ZNF536: variants seen among roughly 807,000 people sequenced by gnomAD.
The protein encoded by ZNF536 is zinc finger protein 536.
In ZNF536, 13 loss-of-function variants were observed where a neutral mutation model predicts 84.5. The observed-to-expected ratio is 0.15, with a 90% CI of 0.10 to 0.24. The LOEUF is 0.24. Ranked by LOEUF, ZNF536 falls within the 10% of genes least tolerant of loss-of-function variation. ZNF536 has a pLI of 1.00. For missense variants in ZNF536, 1,536 were observed against 1,747.5 expected (o/e 0.88, Z 2.16); for synonymous variants, 811 against 742.5 (o/e 1.09, Z -1.50).
chr19:30,265,912 A>G (rs978233218), intron 1 of ZNF536, among the ~76,000 whole-genome samples: 4 of 151,186 alleles, frequency 2.6e-5, no homozygotes, highest in African/African-American at 9.7e-5. Context: ...TTTTTGAGAG[A>G]CAGGGCCTTG....
chr19:30,277,290 C>CT (rs1205323530), intron 1 of ZNF536, among the ~76,000 whole-genome samples: 1 of 152,040 alleles, frequency 6.6e-6, no homozygotes, highest in Non-Finnish European at 1.5e-5. Context: ...AGCATCTTGG[C>CT]TTTTTTTCAT....
chr19:30,465,673 T>G (rs543999857), intron 2 of ZNF536, among the ~76,000 whole-genome samples: 1 of 152,346 alleles, frequency 6.6e-6, no homozygotes, highest in East Asian at 1.9e-4. Context: ...GGAGGATCAC[T>G]TGAGCCCAGG....
intron 1 of ZNF536, among the ~76,000 whole-genome samples, chr19:30,415,308 C>CTTCTT (rs1568406609): frequency 3.9e-5 from 4 of 101,948 alleles, no homozygotes; most frequent in African/African-American, 8.3e-5. Context: ...TTCTTCTTCT[C>CTTCTT]CTTCTCCTTC....
At chr19:30,520,621 G>A (rs1367252639) in intron 2 of ZNF536, among the ~76,000 whole-genome samples, 1 of 152,070 alleles carries the variant, frequency 6.6e-6, no homozygotes, top group African/African-American at 2.4e-5. Flanking sequence ...CCTACTCAGG[G>A]CTCGGTGGTG....
chr19:30,593,883 G>A (rs914891837), intron 1 of ZNF536, among the ~76,000 whole-genome samples: 5 of 152,304 alleles, frequency 3.3e-5, no homozygotes, highest in Admixed American at 6.5e-5. Context: ...AGATGGAGTG[G>A]ACTTTTCAAA....
chr19:30,284,029 C>G (rs956941536), intron 1 of ZNF536: 2 of 152,198 alleles, frequency 1.3e-5, no homozygotes, highest in Non-Finnish European at 2.9e-5. Flanking sequence ...CTGAAGTCGA[C>G]TTATGTGACA....
intron 1 of ZNF536, among the ~76,000 whole-genome samples, chr19:30,383,830 C>T (rs966558498): frequency 8.6e-6 from 1 of 115,626 alleles, no homozygotes; most frequent in South Asian, 3.0e-4. Context: ...CTTTCTTTCT[C>T]CTTCTTTCCT....
At chr19:30,399,753 T>A (rs1221174306) in intron 1 of ZNF536, among the ~76,000 whole-genome samples, 1 of 149,712 alleles carries the variant, frequency 6.7e-6, no homozygotes, top group Non-Finnish European at 1.5e-5. Context: ...AGTGGTGTGA[T>A]CTTGGCACAC....
chr19:30,233,410 T>A (rs1027355164), intron 1 of ZNF536, among the ~76,000 whole-genome samples: 3 of 151,544 alleles, frequency 2.0e-5, no homozygotes, highest in Non-Finnish European at 2.9e-5. Flanking sequence ...AGTGGTGCAA[T>A]CACGGCTCAC....
intron 3 of ZNF536, among the ~76,000 whole-genome samples, chr19:30,359,084 G>C (rs534976664): frequency 1.3e-5 from 2 of 152,196 alleles, no homozygotes; most frequent in African/African-American, 4.8e-5. Context: ...AGTGTGGGCC[G>C]AGTTTGTCCA....
chr19:30,587,334 G>T (rs535247640), intron 1 of ZNF536, among the ~76,000 whole-genome samples: 2 of 152,256 alleles, frequency 1.3e-5, no homozygotes, highest in East Asian at 3.9e-4. Context: ...TTCTCAGAAG[G>T]GTTTAAATGG....
At chr19:30,372,981 T>C (rs1283957092) in intron 1 of ZNF536, among the ~76,000 whole-genome samples, 1 of 152,206 alleles carries the variant, frequency 6.6e-6, no homozygotes, top group East Asian at 1.9e-4. Flanking sequence ...GCATGAATTC[T>C]GAGCTCCAAA....
intron 2 of ZNF536, among the ~76,000 whole-genome samples, chr19:30,307,583 C>T (rs552690640): frequency 4.6e-5 from 7 of 152,148 alleles, no homozygotes; most frequent in African/African-American, 9.6e-5. Context: ...TCACCCTAAC[C>T]GTTCATTCTG....
At chr19:30,325,505 T>G (rs921813509) in intron 2 of ZNF536, among the ~76,000 whole-genome samples, 46 of 152,270 alleles carry the variant, frequency 3.0e-4, no homozygotes, top group African/African-American at 1.0e-3. Flanking sequence ...GGGGGCTGTT[T>G]TGGGGCTCCA....
intron 2 of ZNF536, among the ~76,000 whole-genome samples, chr19:30,484,226 AT>A (rs554903479): frequency 0.022 from 2,643 of 122,002 alleles, 49 homozygotes; most frequent in African/African-American, 0.059. Flanking sequence ...TCTCATTTTG[AT>A]TTTTTTTTTT....
intron 1 of ZNF536, among the ~76,000 whole-genome samples, chr19:30,593,584 T>C (rs2146824920): frequency 6.6e-6 from 1 of 152,302 alleles, no homozygotes; most frequent in Non-Finnish European, 1.5e-5. Flanking sequence ...AGCAAAACTC[T>C]TCTAGTCTTT....
chr19:30,602,157 T>C (rs2047710204), intron 1 of ZNF536, among the ~76,000 whole-genome samples: 1 of 152,228 alleles, frequency 6.6e-6, no homozygotes, highest in Non-Finnish European at 1.5e-5. Context: ...TTTGATGCAA[T>C]GATGAGGAAT....
chr19:30,708,422 C>T (rs2052335238), intron 1 of ZNF536, among the ~76,000 whole-genome samples: 1 of 152,170 alleles, frequency 6.6e-6, no homozygotes, highest in Non-Finnish European at 1.5e-5. Context: ...TAGGATTGAG[C>T]CATGAAAGTC....
intron 1 of ZNF536, among the ~76,000 whole-genome samples, chr19:30,631,095 G>A (rs577830081): frequency 1.4e-4 from 21 of 152,310 alleles, no homozygotes; most frequent in East Asian, 7.8e-4. Context: ...AGGCTGGGCC[G>A]TGCAGCCGGG....
Sources: allele counts gnomAD v4.1 joint callset (sites outside exome capture counted in the v4.1 genomes callset), GRCh38; gene constraint gnomAD v4.1.1; transcripts MANE v1.5; gene names NCBI Gene and HGNC (gene_info 2026-07-23, HGNC 2026-07-21).